RELN: variants seen among roughly 807,000 people sequenced by gnomAD.
RELN encodes reelin.
Under a neutral mutation model 427.6 loss-of-function variants are expected in RELN, and 108 were observed. That is an observed-to-expected ratio of 0.25 (90% CI 0.22 to 0.30). The LOEUF is 0.30. Ranked by LOEUF, RELN falls within the 10% of genes least tolerant of loss-of-function variation. The pLI, the probability that RELN is intolerant of heterozygous loss-of-function variation, is 1.00. For synonymous variants in RELN, 1,524 were observed against 1,513.4 expected (o/e 1.01, Z -0.16); for missense variants, 3,715 against 4,302.8 (o/e 0.86, Z 3.82).
At chr7:103,752,375 A>G (rs888313394) in intron 5 of RELN, among the ~76,000 whole-genome samples, 1 of 152,172 alleles carries the variant, frequency 6.6e-6, no homozygotes, top group Admixed American at 6.5e-5. Flanking sequence ...CCATGGTGCC[A>G]TTTTAAGAAG....
chr7:103,974,385 G>A (rs1373245309), intron 1 of RELN, among the ~76,000 whole-genome samples: 1 of 152,116 alleles, frequency 6.6e-6, no homozygotes, highest in Non-Finnish European at 1.5e-5. Context: ...CTGAGCCTGT[G>A]GGCTATCCAC....
intron 6 of RELN, among the ~76,000 whole-genome samples, chr7:103,728,849 G>C (rs1790280711): frequency 6.6e-6 from 1 of 152,252 alleles, no homozygotes; most frequent in African/African-American, 2.4e-5. Flanking sequence ...GTATTAGTAT[G>C]ATATACACAC....
At chr7:103,738,789 T>C (rs1371856595) in intron 6 of RELN, among the ~76,000 whole-genome samples, 2 of 148,788 alleles carry the variant, frequency 1.3e-5, no homozygotes, top group African/African-American at 5.0e-5. Flanking sequence ...TTCAAGTGAT[T>C]CTCCTCCCTC....
At chr7:103,901,619 A>G (rs1239828302) in intron 2 of RELN, among the ~76,000 whole-genome samples, 1 of 152,026 alleles carries the variant, frequency 6.6e-6, no homozygotes, top group Non-Finnish European at 1.5e-5. Context: ...AAACTTGAAA[A>G]ACATGTAAGT....
chr7:103,750,923 C>G (rs1790982964), intron 5 of RELN, among the ~76,000 whole-genome samples: 1 of 152,148 alleles, frequency 6.6e-6, no homozygotes, highest in Non-Finnish European at 1.5e-5. Context: ...TTGGGCATGT[C>G]AAGTGCAATA....
intron 57 of RELN, among the ~76,000 whole-genome samples, chr7:103,495,175 CTTTTTTT>C (rs68172294): frequency 8.0e-5 from 10 of 125,364 alleles, no homozygotes; most frequent in Middle Eastern, 4.0e-3. Context: ...AAAGTAATTC[CTTTTTTT>C]TTTTTTTTTT....
At chr7:103,554,789 A>T (rs1463724853) in intron 38 of RELN, among the ~76,000 whole-genome samples, 1 of 152,108 alleles carries the variant, frequency 6.6e-6, no homozygotes, top group Admixed American at 6.6e-5. Flanking sequence ...TCTGTGAGAC[A>T]TGCAGTCTGT....
chr7:103,595,049 C>T (rs575655065), intron 25 of RELN, among the ~76,000 whole-genome samples: 66 of 152,220 alleles, frequency 4.3e-4, no homozygotes, highest in Non-Finnish European at 7.9e-4. Context: ...CTTAACATTA[C>T]ATCATAAGTA....
chr7:103,578,541 G>T (rs1831054667), intron 28 of RELN, among the ~76,000 whole-genome samples: 1 of 152,110 alleles, frequency 6.6e-6, no homozygotes, highest in Non-Finnish European at 1.5e-5. Flanking sequence ...CATGACCTCA[G>T]CACGTTTTGC....
At chr7:103,655,601 T>C (rs1426942993) in intron 12 of RELN, among the ~76,000 whole-genome samples, 1 of 152,046 alleles carries the variant, frequency 6.6e-6, no homozygotes. Flanking sequence ...GGTCTGATCT[T>C]GGGGAGAAAT....
intron 38 of RELN, among the ~76,000 whole-genome samples, chr7:103,554,954 AATTGCATTTATTTGTTT>A (rs1272587094): frequency 6.6e-6 from 1 of 152,200 alleles, no homozygotes; most frequent in Non-Finnish European, 1.5e-5. Context: ...CCTGATACGT[AATTGCATTTATTTGTTT>A]ATTTAATACA....
intron 20 of RELN, among the ~76,000 whole-genome samples, chr7:103,627,315 A>G (rs114868807): frequency 2.4e-4 from 37 of 152,280 alleles, no homozygotes; most frequent in African/African-American, 8.2e-4. Flanking sequence ...TTTTAGGACT[A>G]TGAGATTATA....
In RELN at chr7:103,833,620, G is replaced by C. The variant is rs755509628; in HGVS notation, c.390C>G (p.Ala130=). Residue 130 remains alanine, a synonymous_variant, in exon 3 of 65, where the codon GCC becomes GCG. Transcript: ENST00000428762. ...FGNQFMCSVV[A]SHVSHLPTTN... ...TTGTGGGCAGGTGACTCACGTGAGA[G>C]GCTACCACACTGCACATAAACTGGT... is the stretch of plus-strand genomic sequence containing the variant. 1.2e-6 allele frequency: 2 copies of C among 1,613,596 alleles called. No homozygotes were observed. The highest frequency in any genetic ancestry group is 2.2e-5 in the East Asian group (1 of 44,846).
intron 28 of RELN, among the ~76,000 whole-genome samples, 175 bp from the exon 29 acceptor site, chr7:103,575,880 T>TC (rs1830988976): frequency 6.6e-6 from 1 of 151,424 alleles, no homozygotes; most frequent in Non-Finnish European, 1.5e-5. Flanking sequence ...TCTCTCTCTC[T>TC]TTTTTTTCTT....
At chr7:103,519,549 T>A in intron 48 of RELN, 33 bp from the exon 49 acceptor site, 1 of 1,484,200 alleles carries the variant, frequency 6.7e-7, no homozygotes, top group Non-Finnish European at 9.4e-7. Context: ...AAAAAAGTGA[T>A]AAGGAATCTC....
intron 2 of RELN, among the ~76,000 whole-genome samples, chr7:103,864,401 TACTC>T (rs1794144834): frequency 6.6e-6 from 1 of 152,166 alleles, no homozygotes; most frequent in African/African-American, 2.4e-5. Context: ...CTCTAGAAGT[TACTC>T]ACCTTGTATA....
In RELN at chr7:103,749,580, C is replaced by T. The variant is rs73412804; in HGVS notation, c.578-76G>A. 2.4e-3 allele frequency: 2,430 copies of T among 1,032,718 alleles called. 27 individuals carry two copies. The African/African-American group carries it at 0.033, about 14-fold the overall frequency. 64.0% of individuals were successfully genotyped at this position (1,032,718 alleles called of 1,614,324 possible). Reference sequence around the variant, plus strand: ...TTAGCTAAACACAAGTGCCAACATGCTGTATTTATGAAGAATAATGTATCC... The same window carrying T: ...TTAGCTAAACACAAGTGCCAACATGTTGTATTTATGAAGAATAATGTATCC... On this transcript the variant is annotated intron_variant, in intron 5 of 64. Transcript: ENST00000428762.
chr7:103,911,625 C>T (rs1381766549), intron 2 of RELN, among the ~76,000 whole-genome samples: 2 of 150,930 alleles, frequency 1.3e-5, no homozygotes, highest in African/African-American at 2.4e-5. Context: ...CAGTGATAGA[C>T]TGGATTAAGA....
chr7:103,722,031 GT>G (rs1477089649), intron 8 of RELN, among the ~76,000 whole-genome samples: 10 of 152,100 alleles, frequency 6.6e-5, no homozygotes, highest in Non-Finnish European at 1.3e-4. Flanking sequence ...CATTATTTTT[GT>G]TTTTTCTAAC....
Sources: gnomAD v4.1 joint callset for allele counts (sites outside exome capture counted in the v4.1 genomes callset) on GRCh38, gnomAD v4.1.1 for gene constraint, MANE v1.5 for transcripts, NCBI Gene and HGNC (gene_info 2026-07-23, HGNC 2026-07-21) for gene names.